The following EMC10 variants were observed in gnomAD, a reference collection of about 807,000 sequenced individuals.
The protein encoded by EMC10 is UPF0510 protein INM02.
Under a neutral mutation model 32.2 loss-of-function variants are expected in EMC10, and 40 were observed. That is an observed-to-expected ratio of 1.24 (90% CI 0.96 to 1.61). EMC10 has a LOEUF of 1.61. EMC10 is among the 40% of genes most tolerant of loss of function. EMC10 has a pLI of 0.00. For missense variants in EMC10, 402 were observed against 357.7 expected, an observed-to-expected ratio of 1.12 and a Z score of -1.00; for synonymous variants, 178 against 158.4, an observed-to-expected ratio of 1.12 and a Z score of -0.93.
rs112478948 is a variant in EMC10, at chr19:50,476,760, G to A, written c.114+102G>A. 2.6e-4 allele frequency: 196 copies of A among 743,822 alleles called. 2 individuals are homozygous for A. The African/African-American group carries it at 3.3e-3, about 12-fold the overall frequency. The allele number at this position is 743,822 out of a possible 1,614,324, so 46.1% of individuals were successfully genotyped here. ...ACGGAAGGAGGCTGCGCAGGGCTGAGAGGGAAGAGGTGGGAGATCCCTGGA... is the reference window on the plus strand; with the variant it reads ...ACGGAAGGAGGCTGCGCAGGGCTGAAAGGGAAGAGGTGGGAGATCCCTGGA... On this transcript the variant is annotated intron_variant, in intron 1 of 6. Transcript: ENST00000334976.
chr19:50,481,189 G>A (rs968734027), intron 6 of EMC10: 4 of 535,876 alleles, frequency 7.5e-6, no homozygotes, highest in African/African-American at 5.9e-5. Flanking sequence ...GCTCTAGGGC[G>A]CAGGGTCCTG....
chr19:50,481,914 G>T (rs575791499), intron 6 of EMC10: 3 of 1,603,298 alleles, frequency 1.9e-6, no homozygotes, highest in Non-Finnish European at 1.7e-6. Flanking sequence ...GTCCTGCTGC[G>T]CCAGGGCCCG....
At chr19:50,481,936 C>T (rs762710427) in intron 6 of EMC10, 37 of 1,607,942 alleles carry the variant, frequency 2.3e-5, no homozygotes, top group South Asian at 2.2e-4. Context: ...GCCACCGCCA[C>T]AGGAGGCCTG....
In EMC10 at chr19:50,490,575, G is replaced by A. The variant is rs1343061134; in HGVS notation, c.*8316G>A. 1 of 152,178 alleles carries A rather than the reference G, an allele frequency of 6.6e-6. No individual in the cohort carries two copies. Among genetic ancestry groups the A allele is most frequent in the Non-Finnish European group, 1.5e-5 (1 of 68,036 alleles). The allele number at this position is 152,178 out of a possible 1,614,324, so 9.4% of individuals were successfully genotyped here. A position where few individuals can be genotyped will look rare whatever the true frequency, so the allele number is the denominator to read the frequency against. ...TTCATGTGGACAGCCTGAGTGACAG[G>A]GGGACCCAGGGGCCTCACCTGGGCT... On this transcript the variant is annotated 3_prime_UTR_variant, in exon 7 of 7. Transcript: ENST00000334976.
intron 2 of EMC10, among the ~76,000 whole-genome samples, chr19:50,478,559 T>C (rs2040267341): frequency 6.6e-6 from 1 of 152,294 alleles, no homozygotes; most frequent in East Asian, 1.9e-4. Context: ...CTGAAGCTGG[T>C]GCCCCTCTGC....
chr19:50,480,271 C>G lies in EMC10; in HGVS notation c.402+56C>G. On this transcript the variant is annotated intron_variant, in intron 4 of 6. Transcript: ENST00000334976. The surrounding 1 kb of genome is among the most constrained non-coding windows in gnomAD (Gnocchi z 4.4). ...TCCCTCGTCCTCCTCATCCCCTACC[C>G]TGGTCCTGCTTCCACCATTCGAACC... is the stretch of plus-strand genomic sequence containing the variant. The G allele has an allele frequency of 6.6e-7, 1 of 1,506,942 alleles. No homozygotes were observed. The highest frequency in any genetic ancestry group is 9.1e-7 in the Non-Finnish European group (1 of 1,096,524). The allele number at this position is 1,506,942 out of a possible 1,614,324, so 93.3% of individuals were successfully genotyped here.
chr19:50,479,995 TG>T, intron 3 of EMC10, 115 bp from the exon 4 acceptor site: 1 of 802,266 alleles, frequency 1.2e-6, no homozygotes, highest in Non-Finnish European at 2.0e-6. Flanking sequence ...CTGGGGAGTG[TG>T]GGCCGTGAGG....
At chr19:50,481,966 G>C (rs540491403) in intron 6 of EMC10, 183 bp from the exon 7 acceptor site, 2 of 1,606,988 alleles carry the variant, frequency 1.2e-6, no homozygotes, top group East Asian at 2.2e-5. Context: ...CGAGACCCCT[G>C]CCCCTCCCTG....
chr19:50,479,344 C>T (rs896008605), intron 3 of EMC10, among the ~76,000 whole-genome samples: 7 of 152,224 alleles, frequency 4.6e-5, no homozygotes, highest in East Asian at 1.9e-4. Flanking sequence ...TTCACACAGT[C>T]GGCTCCTCTT....
At position 50,488,313 on chromosome 19, in the gene EMC10, A is replaced by AG. The variant is rs1012177601; in HGVS notation, c.*6054_*6055insG. On this transcript the variant is annotated 3_prime_UTR_variant, in exon 7 of 7. Transcript: ENST00000334976. ...TCCGTCTCAAAAAAAAAAAAAAAAA[A>AG]AAAAAGAAAAGATGGCCAGAGCAGG... 3.3e-5 allele frequency: 5 copies of AG among 149,608 alleles called. No individual in the cohort carries two copies. Among genetic ancestry groups the AG allele is most frequent in the Non-Finnish European group, 7.4e-5 (5 of 67,520 alleles). 9.3% of individuals were successfully genotyped at this position (149,608 alleles called of 1,614,324 possible). A position where few individuals can be genotyped will look rare whatever the true frequency, so the allele number is the denominator to read the frequency against.
At chr19:50,476,998 G>A in intron 1 of EMC10, 1 of 231,502 alleles carries the variant, frequency 4.3e-6, no homozygotes, top group Non-Finnish European at 8.4e-6. Flanking sequence ...TGGCTCATCT[G>A]TCATCCCAAC....
Position 50,482,241 on chromosome 19 carries a change from T to TGGGGGGG in EMC10, c.776_777insGGGGGGG (p.Ser260GlyfsTer3). 1 of 82,962 alleles carries TGGGGGGG rather than the reference T, an allele frequency of 1.2e-5. No homozygotes were observed. Among genetic ancestry groups the TGGGGGGG allele is most frequent in the Admixed American group, 1.9e-4 (1 of 5,372 alleles). The allele number at this position is 82,962 out of a possible 1,614,324, so 5.1% of individuals were successfully genotyped here. On this transcript the variant is annotated frameshift_variant, in exon 7 of 7. Coordinates refer to ENST00000334976, the MANE Select transcript of EMC10 (RefSeq NM_206538.4). LOFTEE classifies it high-confidence loss of function. ...GTGGGGGTGGGGGTGGGGGTGGTGG[T>TGGGGGGG]GGGGGTAGTGGCCGGTGAGGGCCCA... is the stretch of plus-strand genomic sequence containing the variant.
In EMC10 at chr19:50,482,764, C is replaced by T. The variant is rs566731145; in HGVS notation, c.*505C>T. The T allele has an allele frequency of 8.2e-6, 4 of 488,658 alleles. No individual in the cohort carries two copies. The highest frequency in any genetic ancestry group is 2.0e-5 in the African/African-American group (1 of 50,488). The allele number at this position is 488,658 out of a possible 1,614,324, so 30.3% of individuals were successfully genotyped here. A position where few individuals can be genotyped will look rare whatever the true frequency, so the allele number is the denominator to read the frequency against. On this transcript the variant is annotated 3_prime_UTR_variant, in exon 7 of 7. Transcript: ENST00000334976. The stretch of plus-strand genomic sequence containing the variant: ...CCCTTCTGTGTCCCCTTGAGGGTAC[C>T]CTGGGTCCCCTCATCAGGGGCAGAG...
In EMC10 at chr19:50,477,985, G is replaced by A. The variant is rs1443854698; in HGVS notation, c.171G>A (p.Glu57=). The change falls in exon 2 of 7, where the codon GAG becomes GAA. Residue 57 remains glutamate (E), a synonymous_variant. Transcript: ENST00000334976. ...GTGGCACGGTGGGGCTGCTGCTGGAGCACTCATTTGAGATCGGTGAGTCAG... is the reference window on the plus strand; with the variant it reads ...GTGGCACGGTGGGGCTGCTGCTGGAACACTCATTTGAGATCGGTGAGTCAG... ...EACGTVGLLL[E]HSFEIDDSAN... is the part of the protein sequence containing the mutation. 6.2e-7 allele frequency: 1 copy of A among 1,603,628 alleles called. No homozygotes were observed. The highest frequency in any genetic ancestry group is 1.1e-5 in the South Asian group (1 of 89,480).
chr19:50,480,972 A>G lies in EMC10; in HGVS notation c.673A>G (p.Lys225Glu). The G allele has an allele frequency of 6.2e-7, 1 of 1,610,996 alleles. No individual in the cohort carries two copies. Among genetic ancestry groups the G allele is most frequent in the South Asian group, 1.1e-5 (1 of 90,904 alleles). The change falls in exon 6 of 7, where the codon AAA becomes GAA. Residue 225 changes from lysine (K) to glutamate (E), a missense_variant. By Grantham distance (56) the Lys-to-Glu change is moderately conservative (BLOSUM62 1). Transcript: ENST00000334976. This position sits in a 1 kb window ranked among gnomAD's most constrained non-coding sequence, Gnocchi z 4.4. Reference protein sequence around the residue: ...NPQEQKSFFAKYWMYIIPVVL... With the variant: ...NPQEQKSFFAEYWMYIIPVVL... ...CCAGGAGCAGAAGTCCTTCTTCGCC[A>G]AATACGTGAGTGGGGCTCCCCCGCC...
chr19:50,480,015 G>T lies in EMC10; in HGVS notation c.298-96G>T. ...GAGTGTGGGCCGTGAGGTGGGTGGG[G>T]CTGGAGAGGGGCCTTCGCGGAGGCC... is the stretch of plus-strand genomic sequence containing the variant. On this transcript the variant is annotated intron_variant, in intron 3 of 6. Transcript: ENST00000334976. The surrounding 1 kb of genome is among the most constrained non-coding windows in gnomAD (Gnocchi z 4.4). 1.0e-6 allele frequency: 1 copy of T among 973,768 alleles called. No individual in the cohort carries two copies. Among genetic ancestry groups the T allele is most frequent in the Non-Finnish European group, 1.5e-6 (1 of 656,208 alleles). The allele number at this position is 973,768 out of a possible 1,614,324, so 60.3% of individuals were successfully genotyped here. A position where few individuals can be genotyped will look rare whatever the true frequency, so the allele number is the denominator to read the frequency against.
Position 50,482,254 on chromosome 19 carries a change from C to G in EMC10, c.784C>G (p.Arg262Gly). ...TGGGGGTGGTGGTGGGGGTAGTGGC[C>G]GGTGAGGGCCCAGGCTGGTCAGCGT... ...GGGGGGGGSG[R>G] Residue 262 changes from arginine (R) to glycine (G), a missense_variant, in exon 7 of 7, where the codon CGG becomes GGG. Arg to Gly is a moderately radical substitution (Grantham distance 125). Coordinates refer to ENST00000334976, the MANE Select transcript of EMC10 (RefSeq NM_206538.4). 8.8e-7 allele frequency: 1 copy of G among 1,138,288 alleles called. No homozygotes were observed. Among genetic ancestry groups the G allele is most frequent in the Non-Finnish European group, 1.3e-6 (1 of 785,098 alleles). The allele number at this position is 1,138,288 out of a possible 1,614,324, so 70.5% of individuals were successfully genotyped here.
At chr19:50,481,984 C>T in intron 6 of EMC10, 165 bp from the exon 7 acceptor site, 2 of 1,604,498 alleles carry the variant, frequency 1.2e-6, no homozygotes, top group South Asian at 1.1e-5. Flanking sequence ...CTGCGCCCCA[C>T]TGGCCCTCCC....
chr19:50,478,856 G>T, intron 2 of EMC10, 101 bp from the exon 3 acceptor site: 1 of 811,382 alleles, frequency 1.2e-6, no homozygotes, highest in Non-Finnish European at 2.0e-6. Flanking sequence ...TGGTCACTCG[G>T]GTGGAGGCCA....
Sources: allele counts gnomAD v4.1 joint callset (sites outside exome capture counted in the v4.1 genomes callset), GRCh38; gene constraint gnomAD v4.1.1; non-coding constraint Gnocchi (gnomAD v3.1); transcripts MANE v1.5; gene names NCBI Gene and HGNC (gene_info 2026-07-23, HGNC 2026-07-21).